Variants in XYLT1 observed in about 807,000 individuals in gnomAD.
XYLT1 encodes the protein xylosyltransferase 1.
XYLT1 carries 36 observed loss-of-function variants against 91.3 expected under a neutral mutation model. That is an observed-to-expected ratio of 0.39 (90% confidence interval 0.30 to 0.52). XYLT1 has a LOEUF of 0.52. XYLT1 is among the 20% of genes least tolerant of loss of function. The pLI, the probability that XYLT1 is intolerant of heterozygous loss-of-function variation, is 0.68. For synonymous variants in XYLT1, 588 were observed against 532.0 expected, an observed-to-expected ratio of 1.11 and a Z score of -1.45; for missense variants, 1,242 against 1,284.5, an observed-to-expected ratio of 0.97 and a Z score of 0.51.
chr16:17,269,113 C>T (rs960958050), intron 2 of XYLT1, among the ~76,000 whole-genome samples: 2 of 152,144 alleles, frequency 1.3e-5, no homozygotes, highest in Non-Finnish European at 2.9e-5. Flanking sequence ...TTCTACTGGG[C>T]CTCTCAGCTT....
chr16:17,415,988 C>A (rs148820866), intron 1 of XYLT1, among the ~76,000 whole-genome samples: 56 of 152,256 alleles, frequency 3.7e-4, no homozygotes, highest in Non-Finnish European at 7.1e-4. Context: ...GAGGAACTAC[C>A]AGAAAGTCAG....
At chr16:17,364,446 T>C (rs2035423168) in intron 1 of XYLT1, among the ~76,000 whole-genome samples, 1 of 152,184 alleles carries the variant, frequency 6.6e-6, no homozygotes, top group African/African-American at 2.4e-5. Context: ...AAATAAATAC[T>C]GTACATAGTT....
At chr16:17,144,724 A>T (rs145076988) in intron 6 of XYLT1, among the ~76,000 whole-genome samples, 2 of 152,336 alleles carry the variant, frequency 1.3e-5, no homozygotes, top group Middle Eastern at 3.4e-3. Context: ...AGAGACCAAG[A>T]AATGATTTTA....
chr16:17,351,045 T>C (rs2035212995), intron 2 of XYLT1, among the ~76,000 whole-genome samples: 1 of 152,204 alleles, frequency 6.6e-6, no homozygotes, highest in Non-Finnish European at 1.5e-5. Flanking sequence ...ACTCTGCACA[T>C]TCTTTGCACT....
intron 9 of XYLT1, among the ~76,000 whole-genome samples, chr16:17,128,915 A>G (rs907316190): frequency 2.6e-5 from 4 of 152,082 alleles, no homozygotes; most frequent in Admixed American, 2.6e-4. Flanking sequence ...TTCACAAATC[A>G]TTGTCCCTGC....
intron 1 of XYLT1, among the ~76,000 whole-genome samples, chr16:17,466,373 G>T (rs1049217811): frequency 6.6e-6 from 1 of 152,148 alleles, no homozygotes; most frequent in Non-Finnish European, 1.5e-5. Flanking sequence ...GCTCTGGAGC[G>T]GGGTGTGGGG....
chr16:17,402,135 C>CAA (rs559973657), intron 1 of XYLT1, among the ~76,000 whole-genome samples: 2 of 138,192 alleles, frequency 1.4e-5, no homozygotes, highest in African/African-American at 2.8e-5. Context: ...CCTGTTTCTA[C>CAA]AAAAAAAAAA....
At position 17,424,028 on chromosome 16, in the gene XYLT1, G is replaced by A. The variant is rs190323281; in HGVS notation, c.363+46406C>T. 5.9e-5 allele frequency among the ~76,000 whole-genome samples: 9 copies of A among 152,274 alleles called. No individual in the cohort carries two copies. The East Asian group carries it at 1.7e-3, about 29-fold the overall frequency. On this transcript the variant is annotated intron_variant, in intron 1 of 11. Transcript: ENST00000261381. ...AAAGTCATCTCTGCCTCCCAAGAAGGGGCAGGAAGTCCTATTGGCCTCATC... is the reference window on the plus strand; with the variant it reads ...AAAGTCATCTCTGCCTCCCAAGAAGAGGCAGGAAGTCCTATTGGCCTCATC...
intron 2 of XYLT1, among the ~76,000 whole-genome samples, chr16:17,347,478 G>A (rs1323714596): frequency 6.6e-6 from 1 of 152,216 alleles, no homozygotes; most frequent in African/African-American, 2.4e-5. Flanking sequence ...TTTAGCATGA[G>A]ACTGTTTAGA....
chr16:17,127,641 A>C lies in XYLT1; in HGVS notation c.2223+25T>G, dbSNP rs753263464. On this transcript the variant is annotated intron_variant, in intron 10 of 11. Transcript: ENST00000261381. ...CCGAGGGAAATGCAAAATACAATGA[A>C]ATGTGACAAGACCTGGCCTCTTACC... The C allele has an allele frequency of 7.5e-6, 12 of 1,603,676 alleles. No individual in the cohort carries two copies. The East Asian group carries it at 8.9e-5, about 12-fold the overall frequency.
chr16:17,390,747 G>C (rs926531285), intron 1 of XYLT1, among the ~76,000 whole-genome samples: 1 of 152,100 alleles, frequency 6.6e-6, no homozygotes, highest in African/African-American at 2.4e-5. Context: ...GGATTAAAAG[G>C]AGCCTTGGCC....
At position 17,456,335 on chromosome 16, in the gene XYLT1, T is replaced by C. The variant is rs2036742042; in HGVS notation, c.363+14099A>G. 6.0e-5 allele frequency among the ~76,000 whole-genome samples: 6 copies of C among 99,708 alleles called. No individual in the cohort carries two copies. The South Asian group carries it at 1.6e-3, about 27-fold the overall frequency. The allele number at this position is 99,708 out of a possible 152,430, so 65.4% of individuals were successfully genotyped here. A position where few individuals can be genotyped will look rare whatever the true frequency, so the allele number is the denominator to read the frequency against. On this transcript the variant is annotated intron_variant, in intron 1 of 11. Transcript: ENST00000261381. ...GCAGCAGGCAAACAGTACAAACCTT[T>C]TTTTTTTTTTTTTTTTTTTGGAGAC...
intron 2 of XYLT1, among the ~76,000 whole-genome samples, chr16:17,316,436 G>A (rs540720642): frequency 2.2e-4 from 34 of 152,036 alleles, no homozygotes; most frequent in African/African-American, 8.0e-4. Context: ...TCTCTCTGTC[G>A]CCCCGGCTGG....
intron 2 of XYLT1, among the ~76,000 whole-genome samples, chr16:17,316,520 C>T (rs1172758092): frequency 6.6e-6 from 1 of 151,954 alleles, no homozygotes; most frequent in Non-Finnish European, 1.5e-5. Context: ...CCTCAGCCTC[C>T]CAAGTAGTTG....
chr16:17,176,910 TTTTCTA>T (rs1246809911), intron 5 of XYLT1, among the ~76,000 whole-genome samples: 1 of 152,068 alleles, frequency 6.6e-6, no homozygotes, highest in African/African-American at 2.4e-5. Flanking sequence ...CATCATGGCA[TTTTCTA>T]ATAGAAAACT....
chr16:17,148,974 G>T (rs1421361347), intron 6 of XYLT1, among the ~76,000 whole-genome samples: 3 of 152,162 alleles, frequency 2.0e-5, no homozygotes, highest in Non-Finnish European at 4.4e-5. Flanking sequence ...ATGAGGAAGG[G>T]GCAGCTCACC....
chr16:17,130,799 T>TA (rs2030440860), intron 9 of XYLT1, among the ~76,000 whole-genome samples: 1 of 152,138 alleles, frequency 6.6e-6, no homozygotes, highest in Admixed American at 6.5e-5. Context: ...GTCCCTCACT[T>TA]AAATGCCACA....
Position 17,137,140 on chromosome 16 carries a change from G to A in XYLT1, c.1764+1215C>T, listed in dbSNP as rs115795468. On this transcript the variant is annotated intron_variant, in intron 8 of 11. Coordinates refer to ENST00000261381, the MANE Select transcript of XYLT1 (RefSeq NM_022166.4). ...TGGGAACCTTAAGGGGAATACGAACGACAGAAAACCTGCAGTGTACTCTGC... is the reference window on the plus strand; with the variant it reads ...TGGGAACCTTAAGGGGAATACGAACAACAGAAAACCTGCAGTGTACTCTGC... 7.7e-3 allele frequency among the ~76,000 whole-genome samples: 1,175 copies of A among 152,154 alleles called. 16 individuals carry two copies. The highest frequency in any genetic ancestry group is 0.027 in the African/African-American group (1,130 of 41,490).
At chr16:17,292,091 C>G (rs1207269958) in intron 2 of XYLT1, among the ~76,000 whole-genome samples, 1 of 150,152 alleles carries the variant, frequency 6.7e-6, no homozygotes, top group East Asian at 1.9e-4. Flanking sequence ...TACACACACA[C>G]ACACACACAC....
Sources: allele counts gnomAD v4.1 joint callset (sites outside exome capture counted in the v4.1 genomes callset), GRCh38; gene constraint gnomAD v4.1.1; transcripts MANE v1.5; gene names NCBI Gene and HGNC (gene_info 2026-07-23, HGNC 2026-07-21).